Variants in TRAM2 observed in about 807,000 individuals in gnomAD.
TRAM2 encodes the protein translocation associated membrane protein 2, also known as translocating chain-associated membrane protein 2.
In TRAM2, 12 loss-of-function variants were observed where a neutral mutation model predicts 51.0. That is an observed-to-expected ratio of 0.24 (90% CI 0.15 to 0.38). The LOEUF (loss-of-function observed/expected upper bound fraction) is 0.38. Among genes scored for constraint, TRAM2 ranks in the 10% least tolerant of loss-of-function variants. TRAM2 has a pLI of 1.00. For synonymous variants in TRAM2, 175 were observed against 179.4 expected, an observed-to-expected ratio of 0.98 and a Z score of 0.20; for missense variants, 361 against 462.0, an observed-to-expected ratio of 0.78 and a Z score of 2.00.
At chr6:52,513,440 G>A (rs1301889889) in intron 4 of TRAM2, among the ~76,000 whole-genome samples, 1 of 152,182 alleles carries the variant, frequency 6.6e-6, no homozygotes, top group Non-Finnish European at 1.5e-5. Flanking sequence ...GTGCCTGCTA[G>A]CAGGCAGCTC....
At chr6:52,528,864 T>G (rs1271626684) in intron 2 of TRAM2, among the ~76,000 whole-genome samples, 1 of 151,090 alleles carries the variant, frequency 6.6e-6, no homozygotes, top group Non-Finnish European at 1.5e-5. Flanking sequence ...CTGCTCACAC[T>G]GCCTTACAAA....
chr6:52,558,719 T>C (rs1767451149), intron 1 of TRAM2, among the ~76,000 whole-genome samples: 1 of 152,154 alleles, frequency 6.6e-6, no homozygotes, highest in Non-Finnish European at 1.5e-5. Flanking sequence ...TGACCTCCCA[T>C]ACACCCTGTT....
At chr6:52,527,102 G>C (rs1319716950) in intron 2 of TRAM2, among the ~76,000 whole-genome samples, 1 of 151,996 alleles carries the variant, frequency 6.6e-6, no homozygotes, top group South Asian at 2.1e-4. Flanking sequence ...TTATCCAGCT[G>C]GGCATGGTGG....
chr6:52,513,831 G>A lies in TRAM2; in HGVS notation c.411+2175C>T, dbSNP rs536613144. 3.3e-5 allele frequency among the ~76,000 whole-genome samples: 5 copies of A among 152,362 alleles called. No individual in the cohort carries two copies. The East Asian group carries it at 9.6e-4, about 29-fold the overall frequency. On this transcript the variant is annotated intron_variant, in intron 4 of 10. Transcript: ENST00000182527. ...TCTGTTTTAAAAGATCCATCTGGCT[G>A]AGCAGAAAATGGATTGGGGTGGGAG...
intron 1 of TRAM2, among the ~76,000 whole-genome samples, chr6:52,540,973 G>A (rs1052654405): frequency 6.6e-6 from 1 of 152,184 alleles, no homozygotes; most frequent in African/African-American, 2.4e-5. Context: ...CTAAAACAGG[G>A]CATCAAACAC....
At chr6:52,559,493 G>A (rs1230862930) in intron 1 of TRAM2, among the ~76,000 whole-genome samples, 1 of 152,208 alleles carries the variant, frequency 6.6e-6, no homozygotes, top group Non-Finnish European at 1.5e-5. Flanking sequence ...TCACTCATCT[G>A]TAAAAAGGGA....
intron 1 of TRAM2, among the ~76,000 whole-genome samples, chr6:52,571,069 TC>T (rs149956419): frequency 0.024 from 3,592 of 151,386 alleles, 137 homozygotes; most frequent in African/African-American, 0.081. Flanking sequence ...TTTTACTGTT[TC>T]CCCCCCACCC....
intron 1 of TRAM2, among the ~76,000 whole-genome samples, chr6:52,575,287 C>G (rs975874871): frequency 6.6e-6 from 1 of 152,136 alleles, no homozygotes; most frequent in African/African-American, 2.4e-5. Context: ...TCAGACTAGT[C>G]ACAGAACAGG....
chr6:52,576,790 T>G lies in TRAM2; in HGVS notation c.120+6A>C. 1 of 1,611,474 alleles carries G rather than the reference T, an allele frequency of 6.2e-7. No individual in the cohort carries two copies. The highest frequency in any genetic ancestry group is 2.2e-5 in the East Asian group (1 of 44,640). ...CCCTCCAGCTCCCTCCTCCCCAGGC[T>G]CTCACCTCGAACATAAGCCCGATGA... On this transcript the variant is annotated splice_donor_region_variant and intron_variant, in intron 1 of 10. Transcript: ENST00000182527.
chr6:52,539,800 T>G (rs1330252816), intron 1 of TRAM2, among the ~76,000 whole-genome samples: 2 of 152,154 alleles, frequency 1.3e-5, no homozygotes, highest in Non-Finnish European at 2.9e-5. Context: ...TATCTGACCC[T>G]CATCCTGTCA....
intron 7 of TRAM2, 28 bp from the exon 8 acceptor site, chr6:52,506,164 TTCCC>T: frequency 6.3e-7 from 1 of 1,590,138 alleles, no homozygotes; most frequent in Non-Finnish European, 8.6e-7. Flanking sequence ...TAGACTTACA[TTCCC>T]TCCAAGATGC....
At chr6:52,527,761 G>A (rs955036277) in intron 2 of TRAM2, among the ~76,000 whole-genome samples, 15 of 152,192 alleles carry the variant, frequency 9.9e-5, no homozygotes, top group African/African-American at 3.6e-4. Context: ...ATCAAGCTGC[G>A]TCTGAAGAAG....
chr6:52,563,894 C>T (rs544836952), intron 1 of TRAM2, among the ~76,000 whole-genome samples: 1 of 43,356 alleles, frequency 2.3e-5, no homozygotes, highest in African/African-American at 7.1e-5. Context: ...CTAATGGTAC[C>T]TATTCCAAAA....
chr6:52,502,986 A>G lies in TRAM2; in HGVS notation c.*211T>C. 1.7e-6 allele frequency: 1 copy of G among 603,508 alleles called. No individual in the cohort carries two copies. The highest frequency in any genetic ancestry group is 2.9e-6 in the Non-Finnish European group (1 of 340,096). The allele number at this position is 603,508 out of a possible 1,614,324, so 37.4% of individuals were successfully genotyped here. ...TGGCCTGAGGGGGAGAAAGAGAAAGATTTTTGGCTTTATTGAGAATGGTTT... is the reference window on the plus strand; with the variant it reads ...TGGCCTGAGGGGGAGAAAGAGAAAGGTTTTTGGCTTTATTGAGAATGGTTT... On this transcript the variant is annotated 3_prime_UTR_variant, in exon 11 of 11. Transcript: ENST00000182527.
chr6:52,576,997 T>TCCGCCCGCCGGCCCG lies in TRAM2; in HGVS notation c.-97_-83dup, dbSNP rs1303129328. On this transcript the variant is annotated 5_prime_UTR_variant, in exon 1 of 11. Transcript: ENST00000182527. ...GCAAACTTCTCCAGCACCGGCCCGG[T>TCCGCCCGCCGGCCCG]CCGCCCGCCGGCCCGCCGCCCGCTC... 7.0e-4 allele frequency: 922 copies of TCCGCCCGCCGGCCCG among 1,326,084 alleles called. 7 individuals carry two copies. In the African/African-American group the frequency reaches 0.013, roughly 19 times the overall value. 82.1% of individuals were successfully genotyped at this position (1,326,084 alleles called of 1,614,324 possible).
chr6:52,532,303 A>G (rs1216388605), intron 2 of TRAM2, among the ~76,000 whole-genome samples: 1 of 152,234 alleles, frequency 6.6e-6, no homozygotes, highest in Non-Finnish European at 1.5e-5. Context: ...TAAATTAGTA[A>G]GACAGCTCTG....
At chr6:52,566,864 C>T (rs1173663038) in intron 1 of TRAM2, among the ~76,000 whole-genome samples, 1 of 152,210 alleles carries the variant, frequency 6.6e-6, no homozygotes, top group Non-Finnish European at 1.5e-5. Flanking sequence ...ACTACACTTA[C>T]TGAGTGAGCA....
intron 2 of TRAM2, among the ~76,000 whole-genome samples, chr6:52,530,551 T>G (rs2268733): frequency 0.25 from 37,321 of 152,080 alleles, 4,983 homozygotes; most frequent in East Asian, 0.6. Context: ...AGGTTGGGCC[T>G]CTAATCCAAT....
At chr6:52,516,576 C>A in intron 3 of TRAM2, 52 bp downstream of exon 3, 1 of 1,506,414 alleles carries the variant, frequency 6.6e-7, no homozygotes, top group Non-Finnish European at 9.2e-7. Flanking sequence ...AGGTCCTCCA[C>A]CCCAAGGCAC....
Sources: gnomAD v4.1 joint callset for allele counts (sites outside exome capture counted in the v4.1 genomes callset) on GRCh38, gnomAD v4.1.1 for gene constraint, MANE v1.5 for transcripts, NCBI Gene and HGNC (gene_info 2026-07-23, HGNC 2026-07-21) for gene names.